Variants in PLCH1 observed in about 807,000 individuals in gnomAD.
PLCH1 encodes phospholipase C eta 1.
A neutral mutation model predicts 126.7 loss-of-function variants in PLCH1; 60 were observed. The ratio of observed to expected loss-of-function variants is 0.47; its 90% confidence interval spans 0.38 to 0.59. The LOEUF (loss-of-function observed/expected upper bound fraction) is 0.59. Among genes scored for constraint, PLCH1 ranks in the 20% least tolerant of loss-of-function variants. The pLI is 0.00. For synonymous variants in PLCH1, 719 were observed against 734.9 expected, an observed-to-expected ratio of 0.98 and a Z score of 0.35; for missense variants, 1,723 against 2,040.0, an observed-to-expected ratio of 0.84 and a Z score of 2.99.
intron 10 of PLCH1, among the ~76,000 whole-genome samples, chr3:155,525,756 G>C (rs1004296246): frequency 6.6e-6 from 1 of 151,988 alleles, no homozygotes; most frequent in Non-Finnish European, 1.5e-5. Context: ...CTTTTTGACA[G>C]GGAACATTCT....
At chr3:155,535,974 C>T (rs1723299379) in intron 10 of PLCH1, among the ~76,000 whole-genome samples, 1 of 152,186 alleles carries the variant, frequency 6.6e-6, no homozygotes, top group South Asian at 2.1e-4. Context: ...GGCTGAGAGA[C>T]CTGAAGACAG....
chr3:155,458,283 C>T (rs113372605), intron 21 of PLCH1, among the ~76,000 whole-genome samples: 1,587 of 144,582 alleles, frequency 0.011, 47 homozygotes, highest in African/African-American at 0.039. Context: ...CGGAGGTTGC[C>T]GTGAGCCAAG....
At chr3:155,553,995 T>C (rs1726476702) in intron 9 of PLCH1, 81 bp downstream of exon 9, 7 of 1,356,664 alleles carry the variant, frequency 5.2e-6, no homozygotes, top group Non-Finnish European at 7.3e-6. Context: ...AGGAAGAGGA[T>C]GTGGTTTTGT....
At chr3:155,470,594 C>T (rs34565928) in intron 21 of PLCH1, among the ~76,000 whole-genome samples, 40,936 of 151,880 alleles carry the variant, frequency 0.27, 5,983 homozygotes, top group East Asian at 0.42. Flanking sequence ...AGATACTCCT[C>T]GAGAAGAGCA....
rs185558116 is a variant in PLCH1 at position 155,616,212 on chromosome 3, G to C, written c.80-19834C>G. Reference sequence around the variant, plus strand: ...AAAAATCATGCATTTTTAGTAGAAAGGTATGGAAATTATAGTTTCTTCTAA... The same window carrying C: ...AAAAATCATGCATTTTTAGTAGAAACGTATGGAAATTATAGTTTCTTCTAA... On this transcript the variant is annotated intron_variant, in intron 2 of 22. Coordinates refer to ENST00000460012, the MANE Select transcript of PLCH1 (RefSeq NM_014996.4). 4.2e-3 allele frequency among the ~76,000 whole-genome samples: 638 copies of C among 152,202 alleles called. 1 individual carries two copies. Among genetic ancestry groups the C allele is most frequent in the Admixed American group, 7.1e-3 (108 of 15,284 alleles).
intron 2 of PLCH1, among the ~76,000 whole-genome samples, chr3:155,687,783 C>T (rs1335206397): frequency 2.6e-5 from 4 of 152,116 alleles, no homozygotes; most frequent in Non-Finnish European, 2.9e-5. Flanking sequence ...TCCCAAGGAT[C>T]GGAACACTAT....
At chr3:155,553,610 T>G (rs757318321) in intron 9 of PLCH1, among the ~76,000 whole-genome samples, 1 of 152,014 alleles carries the variant, frequency 6.6e-6, no homozygotes, top group African/African-American at 2.4e-5. Flanking sequence ...GAGAATGATA[T>G]AATGGAAACC....
intron 2 of PLCH1, among the ~76,000 whole-genome samples, chr3:155,683,657 C>T (rs1260894529): frequency 1.3e-5 from 2 of 152,188 alleles, no homozygotes; most frequent in Non-Finnish European, 2.9e-5. Context: ...ACCATCAGTG[C>T]TGATCAGTGT....
intron 2 of PLCH1, among the ~76,000 whole-genome samples, chr3:155,689,005 C>A (rs1258057134): frequency 6.6e-6 from 1 of 152,192 alleles, no homozygotes; most frequent in African/African-American, 2.4e-5. Flanking sequence ...TAGGGCAAGT[C>A]CCAGTCAGTG....
At chr3:155,573,045 A>G (rs1729441150) in intron 6 of PLCH1, among the ~76,000 whole-genome samples, 1 of 152,086 alleles carries the variant, frequency 6.6e-6, no homozygotes, top group Admixed American at 6.6e-5. Flanking sequence ...ACTGTGCCCA[A>G]TCTGTCATAG....
chr3:155,514,061 T>C (rs1241793018), intron 12 of PLCH1, among the ~76,000 whole-genome samples: 1 of 152,134 alleles, frequency 6.6e-6, no homozygotes, highest in African/African-American at 2.4e-5. Context: ...GATGGCATGA[T>C]AGGTAGAGCA....
intron 2 of PLCH1, among the ~76,000 whole-genome samples, chr3:155,649,541 G>A (rs16825206): frequency 0.39 from 58,878 of 151,888 alleles, 13,157 homozygotes; most frequent in African/African-American, 0.63. Flanking sequence ...TCTCCATCTT[G>A]TATTTCTAGT....
chr3:155,646,681 C>T (rs1208118349), intron 2 of PLCH1, among the ~76,000 whole-genome samples: 23 of 152,270 alleles, frequency 1.5e-4, no homozygotes, highest in Non-Finnish European at 7.4e-5. Context: ...TTGGAAAACA[C>T]AGGCCTAAAG....
chr3:155,603,471 G>C (rs1414066475), intron 2 of PLCH1, among the ~76,000 whole-genome samples: 1 of 152,180 alleles, frequency 6.6e-6, no homozygotes, highest in Non-Finnish European at 1.5e-5. Context: ...TCTAGTTTAT[G>C]GCATGGCAGC....
intron 10 of PLCH1, among the ~76,000 whole-genome samples, chr3:155,546,320 C>A (rs1725273324): frequency 6.6e-6 from 1 of 152,148 alleles, no homozygotes; most frequent in South Asian, 2.1e-4. Context: ...ACCTAGGAAT[C>A]CAACTTACAA....
At chr3:155,564,809 A>T (rs1486512058) in intron 8 of PLCH1, 106 bp downstream of exon 8, 4 of 675,998 alleles carry the variant, frequency 5.9e-6, no homozygotes, top group Non-Finnish European at 1.1e-5. Flanking sequence ...AGTACTAATT[A>T]GTGTGAGAGT....
At chr3:155,462,753 C>CCAGCTACTGTTGCTG (rs1712776515) in intron 21 of PLCH1, among the ~76,000 whole-genome samples, 1 of 152,126 alleles carries the variant, frequency 6.6e-6, no homozygotes, top group African/African-American at 2.4e-5. Context: ...TGGTTAAGTC[C>CCAGCTACTGTTGCTG]CAGCTACTGT....
intron 12 of PLCH1, 108 bp downstream of exon 12, chr3:155,514,615 G>A (rs945106543): frequency 2.9e-6 from 2 of 687,090 alleles, no homozygotes; most frequent in African/African-American, 3.6e-5. Context: ...AGCAAAATGA[G>A]GACAGAAATA....
intron 21 of PLCH1, among the ~76,000 whole-genome samples, chr3:155,463,591 T>C (rs9848852): frequency 0.42 from 63,462 of 152,032 alleles, 17,656 homozygotes; most frequent in African/African-American, 0.79. Flanking sequence ...CTGGAATCTA[T>C]GAAGTGGGGG....
Sources: gnomAD v4.1 joint callset for allele counts (sites outside exome capture counted in the v4.1 genomes callset) on GRCh38, gnomAD v4.1.1 for gene constraint, MANE v1.5 for transcripts, NCBI Gene and HGNC (gene_info 2026-07-23, HGNC 2026-07-21) for gene names.